The following GTSF1 variants were observed in gnomAD, a reference collection of about 807,000 sequenced individuals.
GTSF1 encodes the protein gametocyte specific factor 1.
A neutral mutation model predicts 28.9 loss-of-function variants in GTSF1; 11 were observed. That is an observed-to-expected ratio of 0.38 (90% CI 0.24 to 0.63). The LOEUF is 0.63. Among genes scored for constraint, GTSF1 ranks in the 30% least tolerant of loss-of-function variants. GTSF1 has a pLI of 0.56. For synonymous variants in GTSF1, 69 were observed against 65.6 expected, an observed-to-expected ratio of 1.05 and a Z score of -0.25; for missense variants, 146 against 201.0, an observed-to-expected ratio of 0.73 and a Z score of 1.66.
intron 7 of GTSF1, 35 bp from the exon 8 acceptor site, chr12:54,459,160 T>G (rs934636592): frequency 3.2e-6 from 5 of 1,587,208 alleles, no homozygotes; most frequent in Non-Finnish European, 4.3e-6. Flanking sequence ...AAATACACCA[T>G]GTCAATTGAA....
At chr12:54,465,278 T>C (rs1050527010) in intron 2 of GTSF1, 111 bp from the exon 3 acceptor site, 11 of 585,756 alleles carry the variant, frequency 1.9e-5, no homozygotes, top group African/African-American at 1.9e-4. Context: ...TAGAACAATA[T>C]AGTCTAAAGA....
chr12:54,458,832 T>TAAA (rs4016626), intron 8 of GTSF1, among the ~76,000 whole-genome samples: 1 of 131,922 alleles, frequency 7.6e-6, no homozygotes, highest in African/African-American at 2.8e-5. Context: ...GCAACTTTGA[T>TAAA]AAAAAAAAAA....
chr12:54,470,777 T>A (rs1436492526), intron 2 of GTSF1, among the ~76,000 whole-genome samples: 1 of 152,178 alleles, frequency 6.6e-6, no homozygotes, highest in Non-Finnish European at 1.5e-5. Context: ...ATTTTTCAAG[T>A]CCCTTTTGGT....
intron 2 of GTSF1, among the ~76,000 whole-genome samples, chr12:54,467,912 T>G (rs1303020901): frequency 6.6e-6 from 1 of 151,888 alleles, no homozygotes; most frequent in African/African-American, 2.4e-5. Context: ...TAGCTGGGAT[T>G]ACAGGCACCC....
At chr12:54,461,619 G>T (rs1002068067) in intron 6 of GTSF1, among the ~76,000 whole-genome samples, 28 of 152,100 alleles carry the variant, frequency 1.8e-4, no homozygotes, top group Non-Finnish European at 3.5e-4. Flanking sequence ...CTCCAGCCTG[G>T]TTGACAGAGT....
rs746092815 is a variant in GTSF1, at chr12:54,460,376, C to T, written c.487+1G>A. 6.2e-7 allele frequency: 1 copy of T among 1,603,674 alleles called. No individual in the cohort carries two copies. Among genetic ancestry groups the T allele is most frequent in the Non-Finnish European group, 8.5e-7 (1 of 1,170,550 alleles). ...AACTATTTTGTCTCTATTTCACTTA[C>T]TGTTTTTCCATGGCAGAACATACGG... On this transcript the variant is annotated splice_donor_variant, in intron 7 of 8. Coordinates refer to ENST00000305879, the MANE Select transcript of GTSF1 (RefSeq NM_144594.3). LOFTEE classifies it high-confidence loss of function.
chr12:54,463,886 A>G (rs888307759), intron 3 of GTSF1, among the ~76,000 whole-genome samples: 2 of 152,226 alleles, frequency 1.3e-5, no homozygotes, highest in Non-Finnish European at 2.9e-5. Context: ...CATTTCAGCT[A>G]TTTCACTAAG....
intron 6 of GTSF1, 70 bp downstream of exon 6, chr12:54,462,039 G>C (rs759120398): frequency 1.6e-4 from 179 of 1,111,870 alleles, no homozygotes; most frequent in Non-Finnish European, 2.3e-4. Flanking sequence ...TTCATGCTCC[G>C]GTGGCTTCTC....
chr12:54,457,143 T>C (rs1183704036), intron 8 of GTSF1, among the ~76,000 whole-genome samples: 1 of 152,178 alleles, frequency 6.6e-6, no homozygotes, highest in Admixed American at 6.5e-5. Flanking sequence ...ATTAAGAGGA[T>C]AATGTCTGTG....
intron 6 of GTSF1, among the ~76,000 whole-genome samples, chr12:54,461,560 T>C (rs573072727): frequency 5.3e-5 from 8 of 152,188 alleles, no homozygotes; most frequent in African/African-American, 1.4e-4. Context: ...GGGGGATCGC[T>C]TGAGCCCAGG....
In GTSF1 at chr12:54,463,175, A is replaced by G; in HGVS notation, c.240T>C (p.Asp80=). ...SCDDRSCIEQ[D]VVNQTRSLRQ... ...ATTTTAGATACTAAGTCTTACCAAC[A>G]TCTTGCTCAATACAACTTCTGTCAT... The change falls in exon 4 of 9, where the codon GAT becomes GAC. Residue 80 remains aspartate, a synonymous_variant. Coordinates refer to ENST00000305879, the MANE Select transcript of GTSF1 (RefSeq NM_144594.3). 6.2e-7 allele frequency: 1 copy of G among 1,613,702 alleles called. No homozygotes were observed.
intron 2 of GTSF1, chr12:54,467,025 G>A (rs934666671): frequency 6.6e-6 from 1 of 150,996 alleles, no homozygotes; most frequent in African/African-American, 2.5e-5. Flanking sequence ...ATACAGTTCA[G>A]TAGTGTTAAG....
At chr12:54,472,005 G>T (rs1461975618) in intron 1 of GTSF1, 1 of 152,230 alleles carries the variant, frequency 6.6e-6, no homozygotes, top group African/African-American at 2.4e-5. Context: ...TGAGGTTCGT[G>T]CCATTGCACT....
chr12:54,465,004 T>C, intron 3 of GTSF1, 63 bp downstream of exon 3: 1 of 915,404 alleles, frequency 1.1e-6, no homozygotes, highest in Non-Finnish European at 1.7e-6. Context: ...TTATTTGATA[T>C]TTATAAAATA....
intron 7 of GTSF1, among the ~76,000 whole-genome samples, chr12:54,460,069 C>T (rs868543550): frequency 1.4e-4 from 21 of 152,284 alleles, no homozygotes; most frequent in African/African-American, 4.8e-4. Context: ...TTCCTCCTAG[C>T]CCAAATCATT....
rs1956444821 is a variant in GTSF1, at chr12:54,462,736, A to G, written c.245-11T>C. 2 of 1,610,604 alleles carry G rather than the reference A, an allele frequency of 1.2e-6. No individual in the cohort carries two copies. Among genetic ancestry groups the G allele is most frequent in the Middle Eastern group, 1.6e-4 (1 of 6,072 alleles). ...TCCTGGTTTGGTTGACTGCAAGACAATAAAGATTGGATATAAGAGGGGGAT... is the reference window on the plus strand; with the variant it reads ...TCCTGGTTTGGTTGACTGCAAGACAGTAAAGATTGGATATAAGAGGGGGAT... On this transcript the variant is annotated splice_polypyrimidine_tract_variant and intron_variant, in intron 4 of 8. Transcript: ENST00000305879.
intron 2 of GTSF1, chr12:54,468,768 T>C (rs1450474257): frequency 6.6e-6 from 1 of 152,178 alleles, no homozygotes; most frequent in Admixed American, 6.5e-5. Flanking sequence ...AAGCTGGAAA[T>C]CCAGGTCAAT....
intron 2 of GTSF1, among the ~76,000 whole-genome samples, chr12:54,467,415 T>C (rs577158227): frequency 9.1e-4 from 138 of 151,894 alleles, no homozygotes; most frequent in African/African-American, 3.0e-3. Context: ...CCTGGGTTCA[T>C]GTGGTTCTCC....
At chr12:54,459,720 GCCTT>G (rs1956390611) in intron 7 of GTSF1, 22 of 151,944 alleles carry the variant, frequency 1.4e-4, no homozygotes, top group South Asian at 4.3e-4. Context: ...CTGATATTAT[GCCTT>G]TTTTTTTTTT....
Sources: gnomAD v4.1 joint callset for allele counts (sites outside exome capture counted in the v4.1 genomes callset) on GRCh38, gnomAD v4.1.1 for gene constraint, MANE v1.5 for transcripts, NCBI Gene and HGNC (gene_info 2026-07-23, HGNC 2026-07-21) for gene names.